The following PARPBP variants were observed in gnomAD, a reference collection of about 807,000 sequenced individuals.
The protein encoded by PARPBP is PARP1 binding protein.
PARPBP carries 52 observed loss-of-function variants against 50.0 expected under a neutral mutation model. That is an observed-to-expected ratio of 1.04 (90% CI 0.83 to 1.31). The LOEUF (loss-of-function observed/expected upper bound fraction) is 1.31. Among genes scored for constraint, PARPBP ranks in the 50% most tolerant of loss-of-function variants. The probability of loss-of-function intolerance (pLI) is 0.00; values close to 1 mark genes in which losing one functional copy is unlikely to be tolerated. For synonymous variants in PARPBP, 244 were observed against 232.1 expected (o/e 1.05, Z -0.47); for missense variants, 697 against 672.0 (o/e 1.04, Z -0.41).
At chr12:102,121,544 TC>T (rs1412634529) in intron 1 of PARPBP, among the ~76,000 whole-genome samples, 2 of 131,004 alleles carry the variant, frequency 1.5e-5, no homozygotes, top group African/African-American at 5.8e-5. Context: ...ATAGTAATGC[TC>T]TTTTTTTTTT....
intron 9 of PARPBP, among the ~76,000 whole-genome samples, chr12:102,184,046 G>GAAAAAAAAAAAAAAAAAAAA (rs71438459): frequency 8.3e-5 from 5 of 59,952 alleles, no homozygotes; most frequent in African/African-American, 1.4e-4. Flanking sequence ...GACTCTATCT[G>GAAAAAAAAAAAAAAAAAAAA]AAAAAAAAAA....
chr12:102,143,525 C>A (rs1239271817), intron 2 of PARPBP, among the ~76,000 whole-genome samples: 1 of 152,188 alleles, frequency 6.6e-6, no homozygotes, highest in Non-Finnish European at 1.5e-5. Flanking sequence ...CCCGGTACCT[C>A]AGTTGGAAAT....
chr12:102,145,048 A>G (rs1885167688), intron 2 of PARPBP, among the ~76,000 whole-genome samples: 1 of 152,154 alleles, frequency 6.6e-6, no homozygotes, highest in Non-Finnish European at 1.5e-5. Flanking sequence ...AGATGAGTAA[A>G]GAGCTGCTTA....
intron 7 of PARPBP, among the ~76,000 whole-genome samples, chr12:102,177,181 A>G (rs1889368376): frequency 6.6e-6 from 1 of 152,214 alleles, no homozygotes; most frequent in Non-Finnish European, 1.5e-5. Flanking sequence ...CAGTAGAGCT[A>G]TATACATTAT....
At chr12:102,128,030 A>G (rs992420243) in intron 2 of PARPBP, among the ~76,000 whole-genome samples, 3 of 152,188 alleles carry the variant, frequency 2.0e-5, no homozygotes, top group African/African-American at 7.2e-5. Context: ...TTGTGGTGAT[A>G]ACAATTAAAA....
intron 2 of PARPBP, among the ~76,000 whole-genome samples, chr12:102,128,756 T>A (rs1349115179): frequency 6.6e-6 from 1 of 152,232 alleles, no homozygotes; most frequent in Non-Finnish European, 1.5e-5. Context: ...ATTCCATATC[T>A]TGGCTATTGT....
rs563743414 is a variant in PARPBP at position 102,130,652 on chromosome 12, A to G, written c.153+6611A>G. Among the ~76,000 whole-genome samples, 303 of 151,840 alleles carry G rather than the reference A, an allele frequency of 2.0e-3. 1 individual carries two copies. The highest frequency in any genetic ancestry group is 6.9e-3 in the African/African-American group (287 of 41,406). ...GCGGATCACTTGAGGTCAGGAGTTG[A>G]AGACCAGCCTGGGCAACATGGTGAA... On this transcript the variant is annotated intron_variant, in intron 2 of 10. Transcript: ENST00000327680.
At chr12:102,120,512 T>G (rs1426314225) in intron 1 of PARPBP, 1 of 456,414 alleles carries the variant, frequency 2.2e-6, no homozygotes, top group African/African-American at 2.0e-5. Context: ...AGGGTTCGTC[T>G]GCAGCTTGGA....
Position 102,156,353 on chromosome 12 carries a change from A to ATT in PARPBP, c.495+2388_495+2389dup, listed in dbSNP as rs11357754. Among the ~76,000 whole-genome samples, 46 of 144,688 alleles carry ATT rather than the reference A, an allele frequency of 3.2e-4. 2 individuals are homozygous for ATT. The highest frequency in any genetic ancestry group is 3.0e-5 in the Non-Finnish European group (2 of 65,940). 94.9% of individuals were successfully genotyped at this position (144,688 alleles called of 152,430 possible). ...AGGTGCCCACCACCACACCCAGCTA[A>ATT]TTTTTTTTTTTTGTATTTTTAGTAG... is the stretch of plus-strand genomic sequence containing the variant. On this transcript the variant is annotated intron_variant, in intron 4 of 10. Transcript: ENST00000327680.
At chr12:102,176,440 T>G (rs1889290476) in intron 7 of PARPBP, among the ~76,000 whole-genome samples, 1 of 152,232 alleles carries the variant, frequency 6.6e-6, no homozygotes, top group Non-Finnish European at 1.5e-5. Context: ...TTTATAAATC[T>G]CTGTCTCTTG....
At position 102,161,923 on chromosome 12, in the gene PARPBP, T is replaced by C. The variant is rs148257876; in HGVS notation, c.496-2515T>C. 5.9e-3 allele frequency among the ~76,000 whole-genome samples: 897 copies of C among 152,288 alleles called. 11 individuals are homozygous for C. Among genetic ancestry groups the C allele is most frequent in the African/African-American group, 0.02 (843 of 41,564 alleles). ...TACTTAATATGCAAGAAAAAATCTT[T>C]CTCATGGTTAATCTTTAAACTTTGT... On this transcript the variant is annotated intron_variant, in intron 4 of 10. Coordinates refer to ENST00000327680, the MANE Select transcript of PARPBP (RefSeq NM_017915.5).
chr12:102,171,547 C>G (rs1448539754), intron 6 of PARPBP, among the ~76,000 whole-genome samples: 1 of 152,006 alleles, frequency 6.6e-6, no homozygotes, highest in Non-Finnish European at 1.5e-5. Context: ...AGTCTAATCT[C>G]CTAATGTTAA....
Position 102,148,310 on chromosome 12 carries a change from A to G in PARPBP, c.234A>G (p.Pro78=), listed in dbSNP as rs780078295. The change falls in exon 3 of 11, where the codon CCA becomes CCG. Residue 78 remains proline (P), a synonymous_variant. Transcript: ENST00000327680. ...TGCTCCATGAGAAATTGAACTTACCAGTTGAAAACATGGACGTGACTGACC... is the reference window on the plus strand; with the variant it reads ...TGCTCCATGAGAAATTGAACTTACCGGTTGAAAACATGGACGTGACTGACC... ...KYLLHEKLNL[P]VENMDVTDHY... is the part of the protein sequence containing the mutation. The G allele has an allele frequency of 4.4e-6, 7 of 1,606,758 alleles. No homozygotes were observed. The highest frequency in any genetic ancestry group is 6.0e-6 in the Non-Finnish European group (7 of 1,174,074).
intron 3 of PARPBP, 38 bp from the exon 4 acceptor site, chr12:102,153,831 C>A: frequency 1.9e-6 from 2 of 1,075,350 alleles, no homozygotes; most frequent in Non-Finnish European, 2.9e-6. Flanking sequence ...TTATAGTCAG[C>A]ATAGCATTTT....
chr12:102,192,860 A>G (rs1890923289), intron 9 of PARPBP, among the ~76,000 whole-genome samples: 1 of 152,062 alleles, frequency 6.6e-6, no homozygotes, highest in African/African-American at 2.4e-5. Flanking sequence ...ATTAAAAAAA[A>G]AGAGATTTTT....
chr12:102,185,379 C>T (rs1306457914), intron 9 of PARPBP, among the ~76,000 whole-genome samples: 2 of 152,116 alleles, frequency 1.3e-5, no homozygotes, highest in East Asian at 3.9e-4. Context: ...TGGGATAAAT[C>T]CTACTTTGTC....
At chr12:102,124,158 A>T in intron 2 of PARPBP, 117 bp downstream of exon 2, 1 of 685,730 alleles carries the variant, frequency 1.5e-6, no homozygotes, top group South Asian at 1.7e-5. Context: ...CCCTTCTGTG[A>T]TAATACACCA....
At chr12:102,151,972 A>T (rs1470009770) in intron 3 of PARPBP, 1 of 591,902 alleles carries the variant, frequency 1.7e-6, no homozygotes, top group Non-Finnish European at 3.0e-6. Context: ...TTTTTTGTGT[A>T]CCATGGTTAC....
At chr12:102,142,768 G>T (rs7974513) in intron 2 of PARPBP, among the ~76,000 whole-genome samples, 3,803 of 152,308 alleles carry the variant, frequency 0.025, 146 homozygotes, top group African/African-American at 0.076. Flanking sequence ...TCCAGACTCT[G>T]TTTGCCTGGG....
Sources: allele counts gnomAD v4.1 joint callset (sites outside exome capture counted in the v4.1 genomes callset), GRCh38; gene constraint gnomAD v4.1.1; transcripts MANE v1.5; gene names NCBI Gene and HGNC (gene_info 2026-07-23, HGNC 2026-07-21).